EXOC2: variants seen among roughly 807,000 people sequenced by gnomAD.
EXOC2 encodes the protein SEC5-like 1.
Under a neutral mutation model 131.8 loss-of-function variants are expected in EXOC2, and 70 were observed. That is an observed-to-expected ratio of 0.53 (90% CI 0.44 to 0.65). The LOEUF (loss-of-function observed/expected upper bound fraction) is 0.65, where lower values mean the gene tolerates loss of function less well. Among genes scored for constraint, EXOC2 ranks in the 30% least tolerant of loss-of-function variants. The pLI, the probability that EXOC2 is intolerant of heterozygous loss-of-function variation, is 0.00. For synonymous variants in EXOC2, 411 were observed against 398.4 expected (o/e 1.03, Z -0.38); for missense variants, 923 against 1,108.6 (o/e 0.83, Z 2.38).
rs189920441 is a variant in EXOC2, at chr6:637,665, G to A, written c.118+36C>T. On this transcript the variant is annotated intron_variant, in intron 2 of 27. Transcript: ENST00000230449. ...GTCTCCCTTGTCCACATAAAAATCC[G>A]ATTAGCAGGGTGCGTCGCAGGGCCT... 3.1e-5 allele frequency: 47 copies of A among 1,525,028 alleles called. No homozygotes were observed. In the Admixed American group the frequency reaches 5.7e-4, roughly 18 times the overall value. 94.5% of individuals were successfully genotyped at this position (1,525,028 alleles called of 1,614,324 possible).
At chr6:589,148 T>C (rs1486810435) in intron 11 of EXOC2, among the ~76,000 whole-genome samples, 1 of 152,252 alleles carries the variant, frequency 6.6e-6, no homozygotes, top group Non-Finnish European at 1.5e-5. Flanking sequence ...ATCCTATCTG[T>C]ATCCAGTGAA....
At position 599,075 on chromosome 6, in the gene EXOC2, T is replaced by G; in HGVS notation, c.888+5A>C. ...CATATGTAAATAAATAAACATGTAC[T>G]CTACCTTTTGAATATTCCTTTCAAT... On this transcript the variant is annotated splice_donor_5th_base_variant and intron_variant, in intron 8 of 27. Transcript: ENST00000230449. 4 of 1,607,656 alleles carry G rather than the reference T, an allele frequency of 2.5e-6. No homozygotes were observed. The highest frequency in any genetic ancestry group is 3.3e-4 in the Middle Eastern group (2 of 6,032).
rs1433905519 is a variant in EXOC2, at chr6:507,141, CACACACACACAAG to C, written c.2381-7454_2381-7442del. On this transcript the variant is annotated intron_variant, in intron 23 of 27. Transcript: ENST00000230449. ...CTACACACATACACACACACATACA[CACACACACACAAG>C]AAGTGACCCCCCCACCCACACACAC... Among the ~76,000 whole-genome samples the C allele has an allele frequency of 1.5e-3, 49 of 33,766 alleles. 1 individual carries two copies. Among genetic ancestry groups the C allele is most frequent in the Non-Finnish European group, 2.8e-3 (31 of 11,064 alleles). The allele number at this position is 33,766 out of a possible 152,430, so 22.2% of individuals were successfully genotyped here.
intron 11 of EXOC2, among the ~76,000 whole-genome samples, chr6:578,585 G>C (rs73376493): frequency 0.025 from 3,861 of 152,260 alleles, 106 homozygotes; most frequent in African/African-American, 0.067. Context: ...AATTCTAGCT[G>C]GTAGGTCTTA....
chr6:640,885 C>G (rs1172557670), intron 1 of EXOC2, among the ~76,000 whole-genome samples: 4 of 71,656 alleles, frequency 5.6e-5, no homozygotes, highest in Non-Finnish European at 1.5e-4. Flanking sequence ...ACAGCAGGTA[C>G]AGAAAAAAAA....
In EXOC2 at chr6:497,441, TCAC is replaced by T; in HGVS notation, c.2482_2484del (p.Val828del). The T allele has an allele frequency of 6.2e-7, 1 of 1,614,052 alleles. No homozygotes were observed. The highest frequency in any genetic ancestry group is 8.5e-7 in the Non-Finnish European group (1 of 1,179,942). On this transcript the variant is annotated inframe_deletion, in exon 25 of 28. Transcript: ENST00000230449. Reference sequence around the variant, plus strand: ...CTGAGCTCTTCAGAAACTGCTTCTATCACCTTGGATAGTACCCGAGGGACCAGT... The same window carrying T: ...CTGAGCTCTTCAGAAACTGCTTCTATCTTGGATAGTACCCGAGGGACCAGT...
chr6:610,235 A>C, intron 6 of EXOC2, 57 bp from the exon 7 acceptor site: 1 of 1,376,036 alleles, frequency 7.3e-7, no homozygotes, highest in South Asian at 1.2e-5. Context: ...AGATACATTA[A>C]ATCAAAATGA....
intron 5 of EXOC2, among the ~76,000 whole-genome samples, chr6:619,061 G>A (rs1251839665): frequency 6.6e-6 from 1 of 152,188 alleles, no homozygotes; most frequent in Admixed American, 6.5e-5. Flanking sequence ...AGAAGGCAGT[G>A]TGTTCCATGT....
At chr6:575,644 C>A (rs1289372748) in intron 12 of EXOC2, among the ~76,000 whole-genome samples, 3 of 152,232 alleles carry the variant, frequency 2.0e-5, no homozygotes, top group Non-Finnish European at 4.4e-5. Context: ...GCCTGCAGAA[C>A]TGTGAGCCAA....
intron 1 of EXOC2, among the ~76,000 whole-genome samples, chr6:651,577 C>G (rs1048066280): frequency 1.1e-4 from 16 of 151,760 alleles, no homozygotes; most frequent in Non-Finnish European, 2.2e-4. Flanking sequence ...TCACTTGAAC[C>G]CGGAGGCCGA....
chr6:499,470 C>G (rs976324501), intron 24 of EXOC2, among the ~76,000 whole-genome samples, 175 bp downstream of exon 24: 16 of 145,234 alleles, frequency 1.1e-4, no homozygotes, highest in African/African-American at 3.1e-4. Flanking sequence ...CACACACACA[C>G]ACAGAGACAG....
intron 20 of EXOC2, among the ~76,000 whole-genome samples, 173 bp from the exon 21 acceptor site, chr6:554,093 T>G (rs1033158096): frequency 9.2e-5 from 14 of 151,538 alleles, no homozygotes; most frequent in Admixed American, 8.5e-4. Flanking sequence ...CAGGCTGGAG[T>G]GCAAATGGTG....
At chr6:489,991 C>T (rs1179233006) in intron 26 of EXOC2, among the ~76,000 whole-genome samples, 1 of 152,224 alleles carries the variant, frequency 6.6e-6, no homozygotes, top group African/African-American at 2.4e-5. Context: ...ACTCGGGTCC[C>T]TTCCCACATT....
At chr6:501,119 CTA>C (rs562549709) in intron 23 of EXOC2, among the ~76,000 whole-genome samples, 6 of 62,604 alleles carry the variant, frequency 9.6e-5, no homozygotes, top group East Asian at 3.5e-4. Flanking sequence ...TTATATATAT[CTA>C]TATATATTAT....
At chr6:645,559 AC>A (rs1762541813) in intron 1 of EXOC2, among the ~76,000 whole-genome samples, 1 of 150,564 alleles carries the variant, frequency 6.6e-6, no homozygotes, top group Non-Finnish European at 1.5e-5. Context: ...CACATAAAGA[AC>A]TTTTGCAATC....
intron 7 of EXOC2, among the ~76,000 whole-genome samples, chr6:604,933 C>T (rs572506198): frequency 6.6e-6 from 1 of 152,078 alleles, no homozygotes; most frequent in South Asian, 2.1e-4. Flanking sequence ...CTTGCTTCCC[C>T]TTTTGTGGGC....
chr6:676,133 T>TG (rs1562003224), intron 1 of EXOC2, among the ~76,000 whole-genome samples: 10 of 53,060 alleles, frequency 1.9e-4, no homozygotes, highest in Admixed American at 7.3e-4. Context: ...CTCTGGAGAC[T>TG]CTGAGGTTCC....
At chr6:540,556 T>C (rs1766752566) in intron 22 of EXOC2, among the ~76,000 whole-genome samples, 1 of 152,030 alleles carries the variant, frequency 6.6e-6, no homozygotes, top group African/African-American at 2.4e-5. Context: ...TCAGCAAGAT[T>C]AGACACAACT....
At chr6:521,325 C>T (rs1221197725) in intron 23 of EXOC2, among the ~76,000 whole-genome samples, 7 of 152,152 alleles carry the variant, frequency 4.6e-5, no homozygotes, top group Admixed American at 2.6e-4. Context: ...AAAACCACCA[C>T]GCACTGAGTG....
Sources: gnomAD v4.1 joint callset for allele counts (sites outside exome capture counted in the v4.1 genomes callset) on GRCh38, gnomAD v4.1.1 for gene constraint, MANE v1.5 for transcripts, NCBI Gene and HGNC (gene_info 2026-07-23, HGNC 2026-07-21) for gene names.